The following MRPS11 variants were observed in gnomAD, a reference collection of about 807,000 sequenced individuals.
MRPS11 encodes mitochondrial ribosomal protein S11, also known as small ribosomal subunit protein uS11m.
Under a neutral mutation model 24.3 loss-of-function variants are expected in MRPS11, and 27 were observed. The observed-to-expected ratio is 1.11, with a 90% CI of 0.82 to 1.53. The LOEUF (loss-of-function observed/expected upper bound fraction) is 1.53. Among genes scored for constraint, MRPS11 ranks in the 40% most tolerant of loss-of-function variants. The probability of loss-of-function intolerance (pLI) is 0.00; values close to 1 mark genes in which losing one functional copy is unlikely to be tolerated. For missense variants in MRPS11, 277 were observed against 256.5 expected (o/e 1.08, Z -0.55); for synonymous variants, 104 against 98.7 (o/e 1.05, Z -0.32).
At position 88,477,989 on chromosome 15, in the gene MRPS11, G is replaced by A. The variant is rs16941953; in HGVS notation, c.*10G>A. On this transcript the variant is annotated 3_prime_UTR_variant, in exon 6 of 6. Coordinates refer to ENST00000325844, the MANE Select transcript of MRPS11 (RefSeq NM_022839.5). This position sits in a 1 kb window ranked among gnomAD's most constrained non-coding sequence, Gnocchi z 5.7. Reference sequence around the variant, plus strand: ...GGCTCGGAAGCTGTGATGGGAAGGAGGCCTGCACTTGGACCTGACCTCAAG... The same window carrying A: ...GGCTCGGAAGCTGTGATGGGAAGGAAGCCTGCACTTGGACCTGACCTCAAG... 0.013 allele frequency: 21,685 copies of A among 1,611,134 alleles called. 2,307 individuals carry two copies. In the African/African-American group the frequency reaches 0.24, roughly 18 times the overall value.
rs1365749563 is a variant in MRPS11, at chr15:88,469,357, A to G, written c.182+1333A>G. ...TTCTGTTGTAGTCATTTCTTCAACA[A>G]TGCCAGGCACTGTTCAGAGTGTTGG... On this transcript the variant is annotated intron_variant, in intron 2 of 5. Coordinates refer to ENST00000325844, the MANE Select transcript of MRPS11 (RefSeq NM_022839.5). This position sits in a 1 kb window ranked among gnomAD's most constrained non-coding sequence, Gnocchi z 4.4. 6.6e-6 allele frequency among the ~76,000 whole-genome samples: 1 copy of G among 152,260 alleles called. No individual in the cohort carries two copies. The highest frequency in any genetic ancestry group is 1.5e-5 in the Non-Finnish European group (1 of 68,046).
intron 3 of MRPS11, among the ~76,000 whole-genome samples, chr15:88,474,312 C>A (rs764938317): frequency 7.2e-5 from 11 of 152,250 alleles, no homozygotes; most frequent in Non-Finnish European, 1.6e-4. Context: ...GTAATCCCAA[C>A]ACTTTGGGAG....
At position 88,472,543 on chromosome 15, in the gene MRPS11, T is replaced by A. The variant is rs1598293333; in HGVS notation, c.183-84T>A. 2.6e-6 allele frequency: 3 copies of A among 1,140,626 alleles called. No homozygotes were observed. In the East Asian group the frequency reaches 7.7e-5, roughly 29 times the overall value. The allele number at this position is 1,140,626 out of a possible 1,614,324, so 70.7% of individuals were successfully genotyped here. On this transcript the variant is annotated intron_variant, in intron 2 of 5. Coordinates refer to ENST00000325844, the MANE Select transcript of MRPS11 (RefSeq NM_022839.5). ...TAAGAAGCAGCAGGGGGCACAGAGC[T>A]GTTATTTTTTAACCATGTGTTGTAT...
chr15:88,474,287 AG>A (rs1197842456), intron 3 of MRPS11, among the ~76,000 whole-genome samples: 7 of 152,240 alleles, frequency 4.6e-5, no homozygotes, highest in Admixed American at 6.5e-5. Flanking sequence ...AGGCCGGGCG[AG>A]GTGGCTCATG....
At chr15:88,471,609 C>G (rs1273363789) in intron 2 of MRPS11, among the ~76,000 whole-genome samples, 1 of 152,188 alleles carries the variant, frequency 6.6e-6, no homozygotes, top group Non-Finnish European at 1.5e-5. Context: ...CTCTTGCTAA[C>G]CCTATTTCCC....
intron 2 of MRPS11, among the ~76,000 whole-genome samples, chr15:88,471,117 T>A (rs1227213081): frequency 6.6e-6 from 1 of 152,134 alleles, no homozygotes; most frequent in Non-Finnish European, 1.5e-5. Flanking sequence ...TATTCCCCTG[T>A]GGAGGTCATC....
Position 88,475,022 on chromosome 15 carries a change from TCACC to T in MRPS11, c.282-85_282-82del. The T allele has an allele frequency of 6.8e-7, 1 of 1,478,870 alleles. No individual in the cohort carries two copies. The highest frequency in any genetic ancestry group is 9.1e-7 in the Non-Finnish European group (1 of 1,098,468). 91.6% of individuals were successfully genotyped at this position (1,478,870 alleles called of 1,614,324 possible). ...AAGCAACTGAATTCCTTTTTCTTTC[TCACC>T]CAGGCTTCTAGGGGCATAGATTAGC... On this transcript the variant is annotated intron_variant, in intron 3 of 5. Coordinates refer to ENST00000325844, the MANE Select transcript of MRPS11 (RefSeq NM_022839.5). The surrounding 1 kb of genome is among the most constrained non-coding windows in gnomAD (Gnocchi z 4.1).
In MRPS11 at chr15:88,476,761, G is replaced by T. The variant is rs1028112374; in HGVS notation, c.412-228G>T. On this transcript the variant is annotated intron_variant, in intron 4 of 5. Transcript: ENST00000325844. ...GAAATTTCCATTAGGTGGCGGTGCT[G>T]TCCTAGGCTAAACAGATCACAGTCA... 1.1e-5 allele frequency: 6 copies of T among 528,298 alleles called. No homozygotes were observed. The African/African-American group carries it at 1.1e-4, about 10-fold the overall frequency. The allele number at this position is 528,298 out of a possible 1,614,324, so 32.7% of individuals were successfully genotyped here. A position where few individuals can be genotyped will look rare whatever the true frequency, so the allele number is the denominator to read the frequency against.
intron 2 of MRPS11, chr15:88,468,441 C>T (rs1351732933): frequency 7.8e-6 from 8 of 1,029,122 alleles, no homozygotes; most frequent in Non-Finnish European, 8.2e-6. Flanking sequence ...TTGTGCTCAG[C>T]CCTAGGAACT....
intron 2 of MRPS11, chr15:88,472,170 G>A (rs1018692943): frequency 2.0e-5 from 3 of 153,592 alleles, no homozygotes; most frequent in African/African-American, 7.3e-5. Flanking sequence ...TTATTCTAGG[G>A]GATTCTGGGT....
intron 2 of MRPS11, chr15:88,472,115 A>G (rs2055719996): frequency 6.5e-6 from 1 of 152,792 alleles, no homozygotes; most frequent in Non-Finnish European, 1.5e-5. Context: ...CGCAAAGCCC[A>G]GTATATTTAC....
Position 88,473,554 on chromosome 15 carries a change from A to G in MRPS11, c.281+829A>G, listed in dbSNP as rs546064963. ...TTCTTCCCCTCAGACTAATAAGGAC[A>G]TAGGCTAACTGCATTTAAGTGTCTA... On this transcript the variant is annotated intron_variant, in intron 3 of 5. Coordinates refer to ENST00000325844, the MANE Select transcript of MRPS11 (RefSeq NM_022839.5). Among the ~76,000 whole-genome samples the G allele has an allele frequency of 3.9e-5, 6 of 152,376 alleles. No homozygotes were observed. In the South Asian group the frequency reaches 8.3e-4, roughly 21 times the overall value.
chr15:88,477,841 G>A lies in MRPS11; in HGVS notation c.478-31G>A. On this transcript the variant is annotated intron_variant, in intron 5 of 5. Coordinates refer to ENST00000325844, the MANE Select transcript of MRPS11 (RefSeq NM_022839.5). The surrounding 1 kb of genome is among the most constrained non-coding windows in gnomAD (Gnocchi z 5.7). ...ACTGGATCATCATTTCTGGGACCAT[G>A]TCATTCTACTTTTCCTTCTGTTCCT... The A allele has an allele frequency of 6.3e-7, 1 of 1,590,722 alleles. No individual in the cohort carries two copies. The highest frequency in any genetic ancestry group is 8.6e-7 in the Non-Finnish European group (1 of 1,159,254).
At position 88,479,219 on chromosome 15, in the gene MRPS11, G is replaced by C. The variant is rs1235733745; in HGVS notation, c.*1240G>C. ...CTCTAGGGTTCCTGGATACGGCACA[G>C]AGGCCAAAGGTGGGGGCTCTAGAGA... On this transcript the variant is annotated 3_prime_UTR_variant, in exon 6 of 6. Transcript: ENST00000325844. 3 of 152,192 alleles carry C rather than the reference G, an allele frequency of 2.0e-5. No individual in the cohort carries two copies. The highest frequency in any genetic ancestry group is 2.9e-5 in the Non-Finnish European group (2 of 68,076). The allele number at this position is 152,192 out of a possible 1,614,324, so 9.4% of individuals were successfully genotyped here.
Position 88,477,905 on chromosome 15 carries a change from G to C in MRPS11, c.511G>C (p.Glu171Gln). Residue 171 changes from glutamate to glutamine, a missense_variant, in exon 6 of 6, where the codon GAA becomes CAA. Transcript: ENST00000325844. The surrounding 1 kb of genome is among the most constrained non-coding windows in gnomAD (Gnocchi z 5.7). The part of the protein sequence containing the change: ...AMHGLIMGGL[E>Q]VISITDNTPI... ...GCACGGACTGATCATGGGCGGCCTG[G>C]AAGTGATCTCAATCACAGACAACAC... 6.2e-7 allele frequency: 1 copy of C among 1,614,164 alleles called. No homozygotes were observed. The highest frequency in any genetic ancestry group is 1.1e-5 in the South Asian group (1 of 91,082).
chr15:88,468,084 C>T, intron 2 of MRPS11, 60 bp downstream of exon 2: 4 of 1,541,024 alleles, frequency 2.6e-6, no homozygotes, highest in East Asian at 2.4e-5. Context: ...TGCCCGACAC[C>T]CTCCAGAGTC....
intron 2 of MRPS11, among the ~76,000 whole-genome samples, chr15:88,470,415 A>G (rs548562477): frequency 4.9e-4 from 75 of 152,324 alleles, no homozygotes; most frequent in African/African-American, 1.6e-3. Context: ...TAAAACCATG[A>G]GATGACAAAA....
intron 4 of MRPS11, 161 bp from the exon 5 acceptor site, chr15:88,476,828 C>T (rs911984873): frequency 2.0e-5 from 13 of 641,466 alleles, no homozygotes; most frequent in East Asian, 8.3e-5. Context: ...TCTCTGCTGG[C>T]GCCTGTCCTC....
At chr15:88,468,093 T>G (rs117520558) in intron 2 of MRPS11, 69 bp downstream of exon 2, 44 of 1,526,644 alleles carry the variant, frequency 2.9e-5, no homozygotes, top group Non-Finnish European at 3.8e-5. Context: ...CCCTCCAGAG[T>G]CAGAACCAGT....
Sources: allele counts gnomAD v4.1 joint callset (sites outside exome capture counted in the v4.1 genomes callset), GRCh38; gene constraint gnomAD v4.1.1; non-coding constraint Gnocchi (gnomAD v3.1); transcripts MANE v1.5; gene names NCBI Gene and HGNC (gene_info 2026-07-23, HGNC 2026-07-21).